SPOCK3: variants seen among roughly 807,000 people sequenced by gnomAD.
The protein encoded by SPOCK3 is SPARC (osteonectin), cwcv and kazal like domains proteoglycan 3.
A neutral mutation model predicts 56.6 loss-of-function variants in SPOCK3; 30 were observed. The ratio of observed to expected loss-of-function variants is 0.53; its 90% CI spans 0.40 to 0.72. SPOCK3 has a LOEUF of 0.72. Among genes scored for constraint, SPOCK3 ranks in the 30% least tolerant of loss-of-function variants. SPOCK3 has a pLI of 0.00. For missense variants in SPOCK3, 527 were observed against 530.0 expected (o/e 0.99, Z 0.06); for synonymous variants, 196 against 183.3 (o/e 1.07, Z -0.56).
chr4:167,061,120 G>A lies in SPOCK3; in HGVS notation c.235+1372C>T, dbSNP rs1226146248. On this transcript the variant is annotated intron_variant, in intron 3 of 10. Transcript: ENST00000357545. The stretch of plus-strand genomic sequence containing the variant: ...TCAAATAGCATTCTTTTTTTTATGA[G>A]AGATAAATTGCAATTCAACACATTG... Among the ~76,000 whole-genome samples, 3 of 151,762 alleles carry A rather than the reference G, an allele frequency of 2.0e-5. 1 individual carries two copies. The highest frequency in any genetic ancestry group is 1.9e-4 in the East Asian group (1 of 5,170).
intron 9 of SPOCK3, among the ~76,000 whole-genome samples, chr4:166,739,788 T>C (rs1734638800): frequency 6.6e-6 from 1 of 151,992 alleles, no homozygotes; most frequent in Non-Finnish European, 1.5e-5. Context: ...AAGACAAAAC[T>C]TAGTCTTGTA....
chr4:166,913,951 C>G (rs1471465787), intron 4 of SPOCK3, among the ~76,000 whole-genome samples: 3 of 151,876 alleles, frequency 2.0e-5, no homozygotes, highest in African/African-American at 7.3e-5. Flanking sequence ...CCAATTTTTC[C>G]TGAAAAACAG....
chr4:166,745,012 T>C (rs537476297), intron 8 of SPOCK3, among the ~76,000 whole-genome samples: 51 of 152,274 alleles, frequency 3.3e-4, no homozygotes, highest in African/African-American at 1.1e-3. Context: ...CTACATTTGA[T>C]TGGTGTACGT....
At chr4:166,738,066 A>G (rs1264745955) in intron 9 of SPOCK3, among the ~76,000 whole-genome samples, 2 of 152,126 alleles carry the variant, frequency 1.3e-5, no homozygotes, top group African/African-American at 4.8e-5. Context: ...AAATCAAGCT[A>G]TGTGTTTTTC....
At chr4:167,214,347 C>T (rs1311660586) in intron 2 of SPOCK3, among the ~76,000 whole-genome samples, 3 of 152,068 alleles carry the variant, frequency 2.0e-5, no homozygotes, top group Admixed American at 6.6e-5. Flanking sequence ...ACTTGTCTCT[C>T]ATTAGTATTT....
chr4:166,810,059 C>T (rs28469100), intron 6 of SPOCK3, among the ~76,000 whole-genome samples: 1 of 152,088 alleles, frequency 6.6e-6, no homozygotes, highest in African/African-American at 2.4e-5. Context: ...TATTAAGCAA[C>T]CCAAACATCC....
At chr4:166,743,605 G>A (rs1487980105) in intron 8 of SPOCK3, among the ~76,000 whole-genome samples, 2 of 152,104 alleles carry the variant, frequency 1.3e-5, no homozygotes, top group Admixed American at 6.6e-5. Flanking sequence ...CATTGGGACT[G>A]GTCAGAAAAT....
intron 2 of SPOCK3, among the ~76,000 whole-genome samples, chr4:167,148,699 T>C (rs990874148): frequency 6.6e-6 from 1 of 152,152 alleles, no homozygotes; most frequent in South Asian, 2.1e-4. Context: ...TAGGGACATA[T>C]GCAATTTTTT....
chr4:167,228,907 G>C (rs1335753960), intron 2 of SPOCK3, among the ~76,000 whole-genome samples: 2 of 152,100 alleles, frequency 1.3e-5, no homozygotes, highest in African/African-American at 4.8e-5. Flanking sequence ...GCTCTGATCT[G>C]CAAATATATA....
intron 2 of SPOCK3, among the ~76,000 whole-genome samples, chr4:167,079,960 T>G (rs1440174343): frequency 6.6e-6 from 1 of 151,956 alleles, no homozygotes; most frequent in African/African-American, 2.4e-5. Flanking sequence ...TTTAGACAGT[T>G]GAAAAAGCAG....
intron 6 of SPOCK3, among the ~76,000 whole-genome samples, chr4:166,885,656 C>T (rs1367126270): frequency 2.4e-5 from 3 of 123,542 alleles, no homozygotes; most frequent in African/African-American, 9.4e-5. Flanking sequence ...TCTATTCAGG[C>T]TTCACTGAAA....
chr4:167,233,921 G>C (rs1737448869), intron 2 of SPOCK3, 64 bp downstream of exon 2: 1 of 1,450,614 alleles, frequency 6.9e-7, no homozygotes, highest in Admixed American at 1.7e-5. Flanking sequence ...ACATCCGGCG[G>C]CCGCGGCCCC....
At chr4:167,196,296 T>C (rs1456040522) in intron 2 of SPOCK3, among the ~76,000 whole-genome samples, 1 of 152,196 alleles carries the variant, frequency 6.6e-6, no homozygotes, top group Non-Finnish European at 1.5e-5. Flanking sequence ...TTCATTAAAC[T>C]ACACAGAACT....
intron 2 of SPOCK3, among the ~76,000 whole-genome samples, chr4:167,143,197 G>T (rs147754681): frequency 1.3e-4 from 20 of 151,940 alleles, no homozygotes; most frequent in African/African-American, 4.3e-4. Context: ...CAAATACATC[G>T]GTTCTGTCCA....
At chr4:167,119,845 T>C (rs1761722927) in intron 2 of SPOCK3, 1 of 1,531,996 alleles carries the variant, frequency 6.5e-7, no homozygotes, top group Non-Finnish European at 8.7e-7. Context: ...TCATCACTAC[T>C]GTCCTGTCAA....
At chr4:167,214,109 C>T (rs7695306) in intron 2 of SPOCK3, among the ~76,000 whole-genome samples, 3,851 of 151,732 alleles carry the variant, frequency 0.025, 174 homozygotes, top group African/African-American at 0.087. Context: ...AAGATGCAAC[C>T]TTTATTATAT....
chr4:166,952,019 G>C (rs946706429), intron 4 of SPOCK3, among the ~76,000 whole-genome samples: 1 of 152,118 alleles, frequency 6.6e-6, no homozygotes, highest in Non-Finnish European at 1.5e-5. Flanking sequence ...TTGAAAACTG[G>C]CACAAGACAG....
chr4:167,070,552 C>T (rs1466784945), intron 2 of SPOCK3, among the ~76,000 whole-genome samples: 4 of 151,842 alleles, frequency 2.6e-5, no homozygotes, highest in African/African-American at 7.2e-5. Flanking sequence ...TAGAATTTTC[C>T]TATTATAATT....
chr4:166,989,979 A>C (rs1196382848), intron 4 of SPOCK3, among the ~76,000 whole-genome samples: 1 of 152,210 alleles, frequency 6.6e-6, no homozygotes, highest in Admixed American at 6.5e-5. Flanking sequence ...AGGGGGAAGC[A>C]GTCACACCCA....
Sources: gnomAD v4.1 joint callset for allele counts (sites outside exome capture counted in the v4.1 genomes callset) on GRCh38, gnomAD v4.1.1 for gene constraint, MANE v1.5 for transcripts, NCBI Gene and HGNC (gene_info 2026-07-23, HGNC 2026-07-21) for gene names.